The following VPS13B variants were observed in gnomAD, a reference collection of about 807,000 sequenced individuals.
VPS13B encodes the protein vacuolar protein sorting 13 homolog B, also known as intermembrane lipid transfer protein VPS13B.
In VPS13B, 285 loss-of-function variants were observed where a neutral mutation model predicts 426.4. The observed-to-expected ratio is 0.67, with a 90% CI of 0.61 to 0.74. The LOEUF is 0.74. Ranked by LOEUF, VPS13B falls within the 30% of genes least tolerant of loss-of-function variation. The probability of loss-of-function intolerance (pLI) is 0.00; values close to 1 mark genes in which losing one functional copy is unlikely to be tolerated. For missense variants in VPS13B, 4,537 were observed against 4,782.6 expected (o/e 0.95, Z 1.51); for synonymous variants, 1,676 against 1,676.4 (o/e 1.00, Z 0.01).
intron 2 of VPS13B, among the ~76,000 whole-genome samples, chr8:99,024,304 T>C (rs556368524): frequency 6.6e-6 from 1 of 152,344 alleles, no homozygotes; most frequent in African/African-American, 2.4e-5. Context: ...ACATGTGTGC[T>C]ATTGAGTTGT....
chr8:99,114,719 C>G (rs1346288916), intron 6 of VPS13B, among the ~76,000 whole-genome samples: 1 of 152,130 alleles, frequency 6.6e-6, no homozygotes, highest in Non-Finnish European at 1.5e-5. Flanking sequence ...CACAGTCCCC[C>G]CATATAGTTT....
In VPS13B at chr8:99,699,677, A is replaced by G. The variant is rs779440241; in HGVS notation, c.6199A>G (p.Lys2067Glu). 2 of 1,614,180 alleles carry G rather than the reference A, an allele frequency of 1.2e-6. No homozygotes were observed. The highest frequency in any genetic ancestry group is 1.7e-6 in the Non-Finnish European group (2 of 1,180,024). ...AGCCATGTCCAACACCATGGTGAAT[A>G]AGGATGATCTTCCAGTCTCCAAATA... is the stretch of plus-strand genomic sequence containing the variant. ...TSAMSNTMVN[K>E]DDLPVSKYYR... Residue 2067 changes from lysine to glutamate, a missense_variant, in exon 36 of 62, where the codon AAG (lysine) becomes GAG (glutamate). By Grantham distance (56) the Lys-to-Glu change is moderately conservative. Coordinates refer to ENST00000357162, the MANE Select transcript of VPS13B (RefSeq NM_152564.5).
chr8:99,256,345 G>A (rs1172157304), intron 17 of VPS13B, among the ~76,000 whole-genome samples: 1 of 152,110 alleles, frequency 6.6e-6, no homozygotes, highest in South Asian at 2.1e-4. Flanking sequence ...ATTATAAATA[G>A]TGAAACTATG....
intron 33 of VPS13B, among the ~76,000 whole-genome samples, chr8:99,595,105 C>T (rs1233856081): frequency 2.6e-5 from 4 of 151,878 alleles, no homozygotes; most frequent in Non-Finnish European, 5.9e-5. Context: ...ATATATGACC[C>T]TCTAAAATTG....
Position 99,101,025 on chromosome 8 carries a change from TAGAG to T in VPS13B, c.413-1922_413-1919del, listed in dbSNP as rs544063642. ...TGCCATTGCACTCTAGCCTGGACGATAGAGAGAGACTAGTCTCAAAAAAAAAAAA... is the reference window on the plus strand; with the variant it reads ...TGCCATTGCACTCTAGCCTGGACGATAGAGACTAGTCTCAAAAAAAAAAAA... On this transcript the variant is annotated intron_variant, in intron 4 of 61. Coordinates refer to ENST00000357162, the MANE Select transcript of VPS13B (RefSeq NM_152564.5). Among the ~76,000 whole-genome samples the T allele has an allele frequency of 1.1e-4, 17 of 151,092 alleles. 1 individual carries two copies. In the South Asian group the frequency reaches 2.5e-3, roughly 22 times the overall value.
intron 33 of VPS13B, among the ~76,000 whole-genome samples, chr8:99,606,871 G>A (rs1056744022): frequency 6.6e-6 from 1 of 152,056 alleles, no homozygotes; most frequent in African/African-American, 2.4e-5. Context: ...AACAGTGGCA[G>A]GTCAGGTTCC....
intron 23 of VPS13B, among the ~76,000 whole-genome samples, chr8:99,464,115 G>A (rs1298846021): frequency 6.6e-6 from 1 of 152,150 alleles, no homozygotes; most frequent in Non-Finnish European, 1.5e-5. Flanking sequence ...ACAATAGGTG[G>A]TAGAATGTTC....
intron 31 of VPS13B, among the ~76,000 whole-genome samples, chr8:99,560,708 C>T (rs1824867974): frequency 6.6e-6 from 1 of 152,166 alleles, no homozygotes; most frequent in African/African-American, 2.4e-5. Context: ...TGAATATTTT[C>T]ATCATAAAGG....
At chr8:99,303,347 C>T (rs372342662) in intron 19 of VPS13B, among the ~76,000 whole-genome samples, 2 of 149,594 alleles carry the variant, frequency 1.3e-5, no homozygotes, top group Non-Finnish European at 1.5e-5. Context: ...GAACAATGGG[C>T]GCTCATGTCC....
At chr8:99,543,555 C>G (rs1373914371) in intron 30 of VPS13B, among the ~76,000 whole-genome samples, 9 of 151,768 alleles carry the variant, frequency 5.9e-5, no homozygotes, top group African/African-American at 1.5e-4. Context: ...ATTTTTGCAA[C>G]CTACTCATCT....
chr8:99,579,214 A>G (rs1174101717), intron 33 of VPS13B, among the ~76,000 whole-genome samples: 1 of 152,192 alleles, frequency 6.6e-6, no homozygotes, highest in African/African-American at 2.4e-5. Context: ...TATTTTAGAA[A>G]AGACCTACAG....
intron 19 of VPS13B, among the ~76,000 whole-genome samples, chr8:99,355,124 G>T: frequency 6.6e-6 from 1 of 152,118 alleles, no homozygotes; most frequent in East Asian, 1.9e-4. Context: ...CAAGGAAAAG[G>T]TTAAGAACTG....
intron 19 of VPS13B, among the ~76,000 whole-genome samples, chr8:99,361,143 A>G (rs1588292045): frequency 6.6e-6 from 1 of 152,340 alleles, no homozygotes; most frequent in Middle Eastern, 3.4e-3. Flanking sequence ...GGTAATAAGC[A>G]CTGGATAAAT....
chr8:99,518,417 T>C (rs1439236322), intron 29 of VPS13B, among the ~76,000 whole-genome samples: 2 of 152,186 alleles, frequency 1.3e-5, no homozygotes, highest in East Asian at 3.8e-4. Context: ...AAACCAAACC[T>C]CTAAGTCATT....
intron 33 of VPS13B, among the ~76,000 whole-genome samples, chr8:99,606,651 C>A (rs1362036960): frequency 1.7e-5 from 2 of 116,770 alleles, no homozygotes; most frequent in South Asian, 2.6e-4. Context: ...TTTTTTGAGA[C>A]GGAGTTTCAC....
At chr8:99,109,384 CTTTCT>C (rs1210999219) in intron 5 of VPS13B, among the ~76,000 whole-genome samples, 4 of 140,874 alleles carry the variant, frequency 2.8e-5, no homozygotes, top group Non-Finnish European at 4.7e-5. Context: ...CTTTTTCTTT[CTTTCT>C]TTTTTTTTTT....
At position 99,861,836 on chromosome 8, in the gene VPS13B, C is replaced by T. The variant is rs1375143706; in HGVS notation, c.11105C>T (p.Ser3702Leu). The change falls in exon 58 of 62, where the codon TCA becomes TTA. Residue 3702 changes from serine to leucine, a missense_variant. By Grantham distance (145) the Ser-to-Leu change is moderately radical. Transcript: ENST00000357162. Reference sequence around the variant, plus strand: ...CTGGCCCGGAACATGGACCGGCTCTCACTGGATGAGGAGCACTACAACCGG... The same window carrying T: ...CTGGCCCGGAACATGGACCGGCTCTTACTGGATGAGGAGCACTACAACCGG... ...TSLARNMDRL[S>L]LDEEHYNRQE... 3.1e-6 allele frequency: 5 copies of T among 1,600,200 alleles called. No individual in the cohort carries two copies. The highest frequency in any genetic ancestry group is 1.3e-5 in the African/African-American group (1 of 74,936).
chr8:99,621,154 C>CA (rs1288398032), intron 33 of VPS13B, among the ~76,000 whole-genome samples: 2 of 152,124 alleles, frequency 1.3e-5, no homozygotes, highest in Non-Finnish European at 2.9e-5. Context: ...TTTAAGAGCA[C>CA]AAGTCACTGT....
rs776256929 is a variant in VPS13B at position 99,717,288 on chromosome 8, C to T, written c.6572C>T (p.Ala2191Val). Reference protein sequence around the residue: ...GPCCATANLEAKWCKHSGNPG... With the variant: ...GPCCATANLEVKWCKHSGNPG... ...TGTTGTGCTACTGCCAATCTGGAAG[C>T]TAAGTGGTGTAAACACAGCGGGAAT... The change falls in exon 37 of 62, where the codon GCT (alanine) becomes GTT (valine). Residue 2191 changes from alanine (A) to valine (V), a missense_variant. Physicochemically the swap from Ala to Val is moderately conservative, Grantham distance 64. Transcript: ENST00000357162. 4.3e-6 allele frequency: 7 copies of T among 1,613,996 alleles called. No homozygotes were observed. Among genetic ancestry groups the T allele is most frequent in the Admixed American group, 3.3e-5 (2 of 59,988 alleles).
Sources: allele counts gnomAD v4.1 joint callset (sites outside exome capture counted in the v4.1 genomes callset), GRCh38; gene constraint gnomAD v4.1.1; transcripts MANE v1.5; gene names NCBI Gene and HGNC (gene_info 2026-07-23, HGNC 2026-07-21).